Variants in UNC80 observed in about 807,000 individuals in gnomAD.
UNC80 encodes the protein unc-80 subunit of NALCN channel complex.
In UNC80, 164 loss-of-function variants were observed where a neutral mutation model predicts 384.6. The ratio of observed to expected loss-of-function variants is 0.43; its 90% CI spans 0.38 to 0.49. The LOEUF (loss-of-function observed/expected upper bound fraction) is 0.49. Ranked by LOEUF, UNC80 falls within the 20% of genes least tolerant of loss-of-function variation. The probability of loss-of-function intolerance (pLI) is 0.00; values close to 1 mark genes in which losing one functional copy is unlikely to be tolerated. For synonymous variants in UNC80, 1,486 were observed against 1,527.8 expected, an observed-to-expected ratio of 0.97 and a Z score of 0.64; for missense variants, 3,330 against 4,143.0, an observed-to-expected ratio of 0.80 and a Z score of 5.39.
At chr2:209,967,814 A>C in intron 52 of UNC80, 177 bp downstream of exon 52, 1 of 578,852 alleles carries the variant, frequency 1.7e-6, no homozygotes, top group Non-Finnish European at 3.0e-6. Context: ...CATTTTGAGA[A>C]AAATAACATT....
At chr2:209,821,928 T>G (rs1004396683) in intron 13 of UNC80, among the ~76,000 whole-genome samples, 1 of 152,198 alleles carries the variant, frequency 6.6e-6, no homozygotes, top group African/African-American at 2.4e-5. Context: ...ATATATATTG[T>G]ATAAACTATA....
At chr2:209,919,603 T>C (rs542179620) in intron 33 of UNC80, among the ~76,000 whole-genome samples, 1 of 152,378 alleles carries the variant, frequency 6.6e-6, no homozygotes, top group East Asian at 1.9e-4. Flanking sequence ...ATGAAATTAG[T>C]TTGAACATCT....
chr2:209,941,009 T>C (rs2091592881), intron 43 of UNC80, among the ~76,000 whole-genome samples: 1 of 152,076 alleles, frequency 6.6e-6, no homozygotes, highest in African/African-American at 2.4e-5. Flanking sequence ...TTACCCACAG[T>C]TAGTTAAAGA....
At chr2:209,842,245 A>G in intron 20 of UNC80, 105 bp from the exon 21 acceptor site, 1 of 827,764 alleles carries the variant, frequency 1.2e-6, no homozygotes, top group Non-Finnish European at 1.9e-6. Context: ...AAGTAATAGT[A>G]TGAAAATGAG....
intron 22 of UNC80, among the ~76,000 whole-genome samples, chr2:209,869,529 T>G (rs1237187805): frequency 6.6e-6 from 1 of 152,122 alleles, no homozygotes; most frequent in Non-Finnish European, 1.5e-5. Flanking sequence ...TATAGTAATA[T>G]ATATACTAAA....
At chr2:209,931,093 C>T in intron 38 of UNC80, 39 bp downstream of exon 38, 1 of 1,428,358 alleles carries the variant, frequency 7.0e-7, no homozygotes, top group Non-Finnish European at 9.6e-7. Flanking sequence ...CGAAGCAGCA[C>T]CATGATGAAA....
intron 14 of UNC80, among the ~76,000 whole-genome samples, chr2:209,826,739 C>T (rs1190535471): frequency 6.6e-6 from 1 of 152,110 alleles, no homozygotes; most frequent in Non-Finnish European, 1.5e-5. Flanking sequence ...CAATAACCTA[C>T]TTCCACAGTC....
In UNC80 at chr2:209,815,339, G is replaced by C; in HGVS notation, c.1283G>C (p.Arg428Thr). The part of the protein sequence containing the change: ...FSKVSLTNLR[R>T]SAVPDLSSDL... Reference sequence around the variant, plus strand: ...AAGGTTTCACTGACCAATCTGCGTAGATCTGCAGTCCCAGATCTTTCTTCA... The same window carrying C: ...AAGGTTTCACTGACCAATCTGCGTACATCTGCAGTCCCAGATCTTTCTTCA... The change falls in exon 9 of 65, where the codon AGA becomes ACA. Residue 428 changes from arginine (R) to threonine (T), a missense_variant. By Grantham distance (71) the Arg-to-Thr change is moderately conservative. Around this residue, in one of 8 missense-constraint regions of UNC80, gnomAD observed 937 missense variants for 1,026.8 expected, o/e 0.91. Coordinates refer to ENST00000673920, the MANE Select transcript of UNC80 (RefSeq NM_001371986.1). The C allele has an allele frequency of 6.4e-7, 1 of 1,551,680 alleles. No individual in the cohort carries two copies. Among genetic ancestry groups the C allele is most frequent in the Non-Finnish European group, 8.7e-7 (1 of 1,146,970 alleles).
intron 4 of UNC80, among the ~76,000 whole-genome samples, chr2:209,784,797 T>C (rs1264166956): frequency 6.6e-6 from 1 of 152,196 alleles, no homozygotes; most frequent in African/African-American, 2.4e-5. Context: ...TCTATAAATG[T>C]TTACAGAATA....
intron 28 of UNC80, among the ~76,000 whole-genome samples, chr2:209,897,430 A>G (rs541175926): frequency 6.6e-6 from 1 of 152,286 alleles, no homozygotes; most frequent in East Asian, 1.9e-4. Context: ...GGCATCATAT[A>G]CTACTACTCT....
intron 22 of UNC80, among the ~76,000 whole-genome samples, chr2:209,871,185 A>G (rs1559235301): frequency 6.6e-6 from 1 of 152,232 alleles, no homozygotes. Flanking sequence ...TTAAGTATTA[A>G]TAGTTAATTT....
chr2:209,855,356 G>A (rs2082830364), intron 22 of UNC80, among the ~76,000 whole-genome samples: 1 of 152,056 alleles, frequency 6.6e-6, no homozygotes, highest in Non-Finnish European at 1.5e-5. Flanking sequence ...AATGCATGCT[G>A]GACTTAATAC....
chr2:209,811,645 A>G (rs2153827126), intron 7 of UNC80, among the ~76,000 whole-genome samples: 1 of 152,338 alleles, frequency 6.6e-6, no homozygotes, highest in African/African-American at 2.4e-5. Context: ...TAGGGATTGT[A>G]GAAGGCTTCT....
rs1574674803 is a variant in UNC80 at position 209,839,242 on chromosome 2, C to T, written c.3062C>T (p.Ala1021Val). ...TPEHDEQMQG[A>V]NLGRKDFWRK... is the part of the protein sequence containing the mutation. ...TACAGCGATGAACAAATGCAAGGAG[C>T]CAACTTGGGGCGGAAAGATTTCTGG... Residue 1021 changes from alanine (A) to valine (V), a missense_variant, in exon 19 of 65, where the codon GCC (alanine) becomes GTC (valine). Coordinates refer to ENST00000673920, the MANE Select transcript of UNC80 (RefSeq NM_001371986.1). The surrounding 1 kb of genome is among the most constrained non-coding windows in gnomAD (Gnocchi z 4.1). The T allele has an allele frequency of 6.4e-7, 1 of 1,551,390 alleles. No homozygotes were observed. Among genetic ancestry groups the T allele is most frequent in the Non-Finnish European group, 8.7e-7 (1 of 1,146,980 alleles).
intron 47 of UNC80, among the ~76,000 whole-genome samples, chr2:209,952,252 A>T (rs1261878047): frequency 6.6e-6 from 1 of 152,044 alleles, no homozygotes; most frequent in African/African-American, 2.4e-5. Context: ...ATATTGCATT[A>T]AAAAAATTAG....
chr2:209,901,379 G>A (rs1265463441), intron 28 of UNC80, among the ~76,000 whole-genome samples: 2 of 152,104 alleles, frequency 1.3e-5, no homozygotes. Context: ...AAGCCCGGAT[G>A]ACAGCCCATC....
chr2:209,994,029 C>T (rs1269872591), intron 63 of UNC80, 36 bp from the exon 64 acceptor site: 1 of 1,519,776 alleles, frequency 6.6e-7, no homozygotes, highest in South Asian at 1.3e-5. Context: ...TTTCCACCAA[C>T]TCCTCCCCAA....
At chr2:209,790,813 G>A (rs2077748254) in intron 6 of UNC80, among the ~76,000 whole-genome samples, 1 of 152,024 alleles carries the variant, frequency 6.6e-6, no homozygotes, top group Non-Finnish European at 1.5e-5. Flanking sequence ...GACACAGGAT[G>A]GAAATATAAT....
At chr2:209,858,341 G>T (rs2083088871) in intron 22 of UNC80, among the ~76,000 whole-genome samples, 1 of 151,964 alleles carries the variant, frequency 6.6e-6, no homozygotes. Context: ...GTATTGGCTG[G>T]GCATGTCTTT....
Sources: gnomAD v4.1 joint callset for allele counts (sites outside exome capture counted in the v4.1 genomes callset) on GRCh38, gnomAD v4.1.1 for gene constraint, gnomAD v4.1.1 regional missense constraint, Gnocchi (gnomAD v3.1) non-coding constraint, MANE v1.5 for transcripts, NCBI Gene and HGNC (gene_info 2026-07-23, HGNC 2026-07-21) for gene names.